The following CCSER1 variants were observed in gnomAD, a reference collection of about 807,000 sequenced individuals.
The protein encoded by CCSER1 is coiled-coil serine rich protein 1, also known as serine-rich coiled-coil domain-containing protein 1.
Under a neutral mutation model 82.0 loss-of-function variants are expected in CCSER1, and 41 were observed. The observed-to-expected ratio is 0.50, with a 90% CI of 0.39 to 0.65. The LOEUF (loss-of-function observed/expected upper bound fraction) is 0.65. Among genes scored for constraint, CCSER1 ranks in the 30% least tolerant of loss-of-function variants. The pLI, the probability that CCSER1 is intolerant of heterozygous loss-of-function variation, is 0.00. For synonymous variants in CCSER1, 414 were observed against 383.9 expected (o/e 1.08, Z -0.92); for missense variants, 1,119 against 1,064.2 (o/e 1.05, Z -0.72).
At chr4:90,560,686 C>T (rs2153647056) in intron 5 of CCSER1, among the ~76,000 whole-genome samples, 1 of 152,062 alleles carries the variant, frequency 6.6e-6, no homozygotes, top group Non-Finnish European at 1.5e-5. Flanking sequence ...ATATTAAGTG[C>T]CTTTCTCATA....
chr4:91,369,545 C>T (rs982099619), intron 10 of CCSER1, among the ~76,000 whole-genome samples: 2 of 150,562 alleles, frequency 1.3e-5, no homozygotes, highest in South Asian at 4.2e-4. Flanking sequence ...ACAAAGTAGT[C>T]GTTTTCATAA....
chr4:90,628,229 A>C lies in CCSER1; in HGVS notation c.1929A>C (p.Gln643His). The C allele has an allele frequency of 1.9e-6, 3 of 1,609,986 alleles. No individual in the cohort carries two copies. The highest frequency in any genetic ancestry group is 2.5e-6 in the Non-Finnish European group (3 of 1,176,658). The stretch of plus-strand genomic sequence containing the variant: ...TATTAAAGATGAAGAGAGTTCTTCA[A>C]GAGGTAATGGTTTCCTCTAAGATTA... ...TLLLKMKRVL[Q>H]ESADMSPASS... The change falls in exon 6 of 11, where the codon CAA becomes CAC. Residue 643 changes from glutamine to histidine, a missense_variant. By Grantham distance (24) the Gln-to-His change is conservative (BLOSUM62 0). Coordinates refer to ENST00000509176, the MANE Select transcript of CCSER1 (RefSeq NM_001145065.2).
At chr4:91,287,992 AAAT>A (rs780305131) in intron 10 of CCSER1, among the ~76,000 whole-genome samples, 1 of 109,914 alleles carries the variant, frequency 9.1e-6, no homozygotes, top group Non-Finnish European at 2.0e-5. Flanking sequence ...AAAAGAAAAA[AAAT>A]AAATGACATT....
At chr4:91,470,747 C>T (rs1285287833) in intron 10 of CCSER1, among the ~76,000 whole-genome samples, 1 of 152,092 alleles carries the variant, frequency 6.6e-6, no homozygotes, top group Non-Finnish European at 1.5e-5. Context: ...TTGTAATCTA[C>T]CATCTGCCAG....
chr4:90,731,457 T>C lies in CCSER1; in HGVS notation c.2010+7466T>C, dbSNP rs186131678. ...TATCTGCCAGATAACTGAAAGCACATAGGTAAAACTAAACATAATTTGTGG... is the reference window on the plus strand; with the variant it reads ...TATCTGCCAGATAACTGAAAGCACACAGGTAAAACTAAACATAATTTGTGG... On this transcript the variant is annotated intron_variant, in intron 7 of 10. Transcript: ENST00000509176. 5.8e-4 allele frequency among the ~76,000 whole-genome samples: 88 copies of C among 152,290 alleles called. No individual in the cohort carries two copies. The Middle Eastern group carries it at 0.014, about 24-fold the overall frequency.
intron 10 of CCSER1, among the ~76,000 whole-genome samples, chr4:91,519,858 A>G (rs980945561): frequency 6.6e-6 from 1 of 152,212 alleles, no homozygotes; most frequent in Non-Finnish European, 1.5e-5. Context: ...TTGAAGATTT[A>G]GAATTTACTT....
intron 8 of CCSER1, among the ~76,000 whole-genome samples, chr4:90,825,156 A>G (rs1015890950): frequency 7.2e-5 from 11 of 152,370 alleles, no homozygotes; most frequent in Admixed American, 5.2e-4. Context: ...GCAGTACAGC[A>G]TGGATATAAG....
At position 90,612,751 on chromosome 4, in the gene CCSER1, C is replaced by T. The variant is rs1785699828; in HGVS notation, c.1725-15274C>T. On this transcript the variant is annotated intron_variant, in intron 5 of 10. Transcript: ENST00000509176. ...AGGCTATCTTTTGCAGACATAATCC[C>T]CTTAATGTTTGTGTGTGGAGTTATT... 2.6e-5 allele frequency among the ~76,000 whole-genome samples: 4 copies of T among 152,016 alleles called. No homozygotes were observed. The South Asian group carries it at 8.3e-4, about 32-fold the overall frequency.
chr4:90,638,627 G>A (rs1192637360), intron 6 of CCSER1, among the ~76,000 whole-genome samples: 1 of 152,158 alleles, frequency 6.6e-6, no homozygotes, highest in South Asian at 2.1e-4. Flanking sequence ...TAGATTTTTA[G>A]TAACAGTATT....
chr4:90,314,265 T>C lies in CCSER1; in HGVS notation c.1509+1218T>C, dbSNP rs150792039. On this transcript the variant is annotated intron_variant, in intron 3 of 10. Transcript: ENST00000509176. ...GGAAACATATATTTCATGCTTCGTT[T>C]TGTTCTTTTGTGCATTGGCTATTAT... Among the ~76,000 whole-genome samples the C allele has an allele frequency of 1.3e-3, 199 of 152,334 alleles. 1 individual carries two copies. Among genetic ancestry groups the C allele is most frequent in the African/African-American group, 4.5e-3 (187 of 41,574 alleles).
intron 1 of CCSER1, among the ~76,000 whole-genome samples, chr4:90,197,420 C>T (rs774708281): frequency 6.6e-6 from 1 of 152,104 alleles, no homozygotes; most frequent in Non-Finnish European, 1.5e-5. Context: ...TCAGCAATCT[C>T]ATTACTGGGT....
At chr4:90,607,783 A>G (rs1362551583) in intron 5 of CCSER1, among the ~76,000 whole-genome samples, 1 of 152,208 alleles carries the variant, frequency 6.6e-6, no homozygotes, top group Non-Finnish European at 1.5e-5. Context: ...TTCAACCCAT[A>G]CAGAGGGTAA....
At chr4:91,035,842 T>A (rs1741387410) in intron 9 of CCSER1, among the ~76,000 whole-genome samples, 1 of 152,170 alleles carries the variant, frequency 6.6e-6, no homozygotes, top group African/African-American at 2.4e-5. Context: ...TACAACTCAC[T>A]CCTAAAACGC....
intron 5 of CCSER1, among the ~76,000 whole-genome samples, chr4:90,616,308 C>CT (rs981549943): frequency 5.9e-5 from 9 of 151,836 alleles, no homozygotes; most frequent in African/African-American, 1.7e-4. Flanking sequence ...TTCTAGGAAA[C>CT]TTTTTTTTAA....
At chr4:90,355,470 A>C (rs1167166013) in intron 3 of CCSER1, among the ~76,000 whole-genome samples, 2 of 151,962 alleles carry the variant, frequency 1.3e-5, no homozygotes, top group African/African-American at 4.8e-5. Flanking sequence ...AAGGCTGTTA[A>C]AATCTGTCTG....
At chr4:91,195,017 T>A (rs1299541904) in intron 10 of CCSER1, among the ~76,000 whole-genome samples, 1 of 152,184 alleles carries the variant, frequency 6.6e-6, no homozygotes, top group Non-Finnish European at 1.5e-5. Context: ...GAAGCTATAT[T>A]TATTTTCTTT....
At chr4:91,398,116 A>C (rs1224619054) in intron 10 of CCSER1, among the ~76,000 whole-genome samples, 1 of 151,966 alleles carries the variant, frequency 6.6e-6, no homozygotes, top group Non-Finnish European at 1.5e-5. Flanking sequence ...TCATGATTAT[A>C]ATAGTTATTT....
At chr4:91,084,556 G>T (rs555148358) in intron 9 of CCSER1, among the ~76,000 whole-genome samples, 34 of 152,158 alleles carry the variant, frequency 2.2e-4, no homozygotes, top group African/African-American at 8.2e-4. Context: ...TCTCCCAGAT[G>T]CAAAAATCTA....
At chr4:90,750,964 T>C (rs534560470) in intron 7 of CCSER1, among the ~76,000 whole-genome samples, 3 of 152,268 alleles carry the variant, frequency 2.0e-5, no homozygotes, top group African/African-American at 7.2e-5. Flanking sequence ...ATTATGAAAA[T>C]ATCAGACCTT....
Sources: allele counts gnomAD v4.1 joint callset (sites outside exome capture counted in the v4.1 genomes callset), GRCh38; gene constraint gnomAD v4.1.1; transcripts MANE v1.5; gene names NCBI Gene and HGNC (gene_info 2026-07-23, HGNC 2026-07-21).